LRMDA: variants seen among roughly 807,000 people sequenced by gnomAD.
The protein encoded by LRMDA is leucine-rich melanocyte differentiation-associated protein.
LRMDA carries 18 observed loss-of-function variants against 29.8 expected under a neutral mutation model. The observed-to-expected ratio is 0.60, with a 90% CI of 0.42 to 0.90. The LOEUF (loss-of-function observed/expected upper bound fraction) is 0.90. LRMDA is among the 40% of genes least tolerant of loss of function. The pLI is 0.00. For missense variants in LRMDA, 273 were observed against 273.9 expected, an observed-to-expected ratio of 1.00 and a Z score of 0.02; for synonymous variants, 125 against 109.4, an observed-to-expected ratio of 1.14 and a Z score of -0.89.
Position 76,182,711 on chromosome 10 carries a change from A to G in LRMDA, c.516+123928A>G, listed in dbSNP as rs1250442650. On this transcript the variant is annotated intron_variant, in intron 5 of 6. Transcript: ENST00000611255. ...AAGAAAAGGGACAAATCTCTCTAAG[A>G]GAGCCATCTGGGGTCTTGTATTGAT... 4.6e-5 allele frequency among the ~76,000 whole-genome samples: 7 copies of G among 152,224 alleles called. No homozygotes were observed. In the East Asian group the frequency reaches 1.2e-3, roughly 25 times the overall value.
Position 75,826,052 on chromosome 10 carries a change from TG to T in LRMDA, c.132-209950del, listed in dbSNP as rs557678673. Among the ~76,000 whole-genome samples the T allele has an allele frequency of 6.6e-5, 10 of 152,142 alleles. No homozygotes were observed. In the South Asian group the frequency reaches 8.3e-4, roughly 13 times the overall value. On this transcript the variant is annotated intron_variant, in intron 2 of 6. Transcript: ENST00000611255. Reference sequence around the variant, plus strand: ...CAGAATAAAAAGTGCCATATGGCTTTGGGGGGCCTCAGAAGTGCTTCTTGGT... The same window carrying T: ...CAGAATAAAAAGTGCCATATGGCTTTGGGGGCCTCAGAAGTGCTTCTTGGT...
At chr10:76,329,701 C>T (rs1840881010) in intron 6 of LRMDA, among the ~76,000 whole-genome samples, 2 of 152,130 alleles carry the variant, frequency 1.3e-5, no homozygotes, top group Admixed American at 6.5e-5. Flanking sequence ...TATATAGCAA[C>T]TTATTATAAT....
At chr10:75,778,586 G>A (rs773696390) in intron 2 of LRMDA, among the ~76,000 whole-genome samples, 29 of 152,232 alleles carry the variant, frequency 1.9e-4, no homozygotes, top group Non-Finnish European at 3.5e-4. Context: ...AGCTTGGCAT[G>A]GTGCTGCCTG....
chr10:75,548,463 G>A (rs1840105022), intron 2 of LRMDA, among the ~76,000 whole-genome samples: 1 of 152,124 alleles, frequency 6.6e-6, no homozygotes, highest in Admixed American at 6.5e-5. Context: ...CTCTGGGAGT[G>A]TAGGACCCAG....
chr10:75,965,204 T>A (rs1284740838), intron 2 of LRMDA, among the ~76,000 whole-genome samples: 1 of 152,218 alleles, frequency 6.6e-6, no homozygotes, highest in Non-Finnish European at 1.5e-5. Flanking sequence ...AGTGAGGCAC[T>A]GCAGCATCTG....
intron 5 of LRMDA, among the ~76,000 whole-genome samples, chr10:76,173,805 C>T (rs1850882978): frequency 6.6e-6 from 1 of 152,142 alleles, no homozygotes; most frequent in Non-Finnish European, 1.5e-5. Context: ...GGACTACAGG[C>T]ACGTGCCACC....
At chr10:75,946,579 G>T (rs1052210710) in intron 2 of LRMDA, among the ~76,000 whole-genome samples, 1 of 152,158 alleles carries the variant, frequency 6.6e-6, no homozygotes, top group Non-Finnish European at 1.5e-5. Context: ...AGAGGAGTAT[G>T]GTGGGGAAAA....
At chr10:75,595,897 T>G (rs1365711451) in intron 2 of LRMDA, among the ~76,000 whole-genome samples, 1 of 152,200 alleles carries the variant, frequency 6.6e-6, no homozygotes, top group Admixed American at 6.5e-5. Context: ...CTCTTCATTT[T>G]TTTCTTTTTA....
At chr10:75,891,434 T>C (rs994639273) in intron 2 of LRMDA, among the ~76,000 whole-genome samples, 1 of 152,184 alleles carries the variant, frequency 6.6e-6, no homozygotes, top group African/African-American at 2.4e-5. Context: ...GGAGCCATCT[T>C]GATGTCTGTG....
At chr10:76,230,935 A>G (rs1852047269) in intron 5 of LRMDA, among the ~76,000 whole-genome samples, 1 of 152,234 alleles carries the variant, frequency 6.6e-6, no homozygotes, top group Admixed American at 6.5e-5. Context: ...CAGCTTCTTT[A>G]TAAAATTACA....
At chr10:76,177,594 T>A (rs1472596349) in intron 5 of LRMDA, among the ~76,000 whole-genome samples, 1 of 152,198 alleles carries the variant, frequency 6.6e-6, no homozygotes, top group Non-Finnish European at 1.5e-5. Context: ...GATGCTCAAC[T>A]CTTTGAAAAT....
At chr10:76,218,772 T>G (rs1278477642) in intron 5 of LRMDA, among the ~76,000 whole-genome samples, 1 of 110,276 alleles carries the variant, frequency 9.1e-6, no homozygotes, top group Non-Finnish European at 2.1e-5. Context: ...TGAGAATAGC[T>G]GTGAGTCTCA....
intron 5 of LRMDA, among the ~76,000 whole-genome samples, chr10:76,246,333 G>A (rs1852376421): frequency 2.0e-5 from 3 of 152,200 alleles, no homozygotes; most frequent in Admixed American, 1.3e-4. Context: ...CAGAGATCAG[G>A]TTTCTAACGC....
At chr10:76,426,570 G>T (rs987491458) in intron 6 of LRMDA, among the ~76,000 whole-genome samples, 13 of 152,124 alleles carry the variant, frequency 8.5e-5, no homozygotes, top group Admixed American at 3.3e-4. Context: ...CACTCTGATG[G>T]TAGTTTGTTT....
At chr10:75,697,213 G>A (rs1564543165) in intron 2 of LRMDA, among the ~76,000 whole-genome samples, 1 of 152,098 alleles carries the variant, frequency 6.6e-6, no homozygotes, top group Non-Finnish European at 1.5e-5. Context: ...CTTTAAGAGT[G>A]TGAGGGATAT....
At chr10:75,942,629 A>C (rs1444834805) in intron 2 of LRMDA, among the ~76,000 whole-genome samples, 1 of 152,166 alleles carries the variant, frequency 6.6e-6, no homozygotes, top group Non-Finnish European at 1.5e-5. Context: ...ATTGGCAACA[A>C]GTGAGGTGAA....
At chr10:75,484,450 A>C (rs989494953) in intron 2 of LRMDA, among the ~76,000 whole-genome samples, 2 of 152,178 alleles carry the variant, frequency 1.3e-5, no homozygotes, top group Non-Finnish European at 2.9e-5. Flanking sequence ...TCTATTTGCT[A>C]AAATTTTAAG....
intron 2 of LRMDA, among the ~76,000 whole-genome samples, chr10:75,556,749 A>T (rs1231345293): frequency 1.4e-5 from 2 of 142,766 alleles, no homozygotes. Context: ...TGGTTGCATG[A>T]TTGTTTTTTT....
At chr10:75,704,089 C>T (rs556751652) in intron 2 of LRMDA, among the ~76,000 whole-genome samples, 25 of 152,336 alleles carry the variant, frequency 1.6e-4, no homozygotes, top group Middle Eastern at 6.8e-3. Context: ...ACAGCAGACT[C>T]TGCAGAGTTT....
Sources: allele counts gnomAD v4.1 joint callset (sites outside exome capture counted in the v4.1 genomes callset), GRCh38; gene constraint gnomAD v4.1.1; transcripts MANE v1.5; gene names NCBI Gene and HGNC (gene_info 2026-07-23, HGNC 2026-07-21).